TECRL: variants seen among roughly 807,000 people sequenced by gnomAD.
TECRL encodes the protein trans-2,3-enoyl-CoA reductase-like.
TECRL carries 63 observed loss-of-function variants against 52.8 expected under a neutral mutation model. That is an observed-to-expected ratio of 1.19 (90% CI 0.97 to 1.47). The LOEUF is 1.47. Among genes scored for constraint, TECRL ranks in the 40% most tolerant of loss-of-function variants. The pLI is 0.00. For missense variants in TECRL, 482 were observed against 429.6 expected (o/e 1.12, Z -1.08); for synonymous variants, 164 against 141.9 (o/e 1.16, Z -1.10).
Position 64,375,995 on chromosome 4 carries a change from G to A in TECRL, c.235-772C>T, listed in dbSNP as rs897873161. Among the ~76,000 whole-genome samples the A allele has an allele frequency of 3.3e-5, 5 of 151,448 alleles. No individual in the cohort carries two copies. The South Asian group carries it at 1.0e-3, about 31-fold the overall frequency. On this transcript the variant is annotated intron_variant, in intron 1 of 11. Coordinates refer to ENST00000381210, the MANE Select transcript of TECRL (RefSeq NM_001010874.5). Reference sequence around the variant, plus strand: ...ATTTCCTTTCCCTGAATAAGCATACGATACTAGTGAAATTTATTATAATCA... The same window carrying A: ...ATTTCCTTTCCCTGAATAAGCATACAATACTAGTGAAATTTATTATAATCA...
intron 5 of TECRL, among the ~76,000 whole-genome samples, chr4:64,313,900 G>C (rs1486769195): frequency 6.8e-6 from 1 of 146,596 alleles, no homozygotes; most frequent in Admixed American, 6.9e-5. Flanking sequence ...TTGGGAAGCC[G>C]AGGCGGGCGG....
At chr4:64,379,727 A>G (rs796776834) in intron 1 of TECRL, among the ~76,000 whole-genome samples, 6 of 152,210 alleles carry the variant, frequency 3.9e-5, no homozygotes, top group East Asian at 1.9e-4. Flanking sequence ...ACCCCCACAC[A>G]TGAATGAGAA....
chr4:64,335,145 G>A (rs1718964575), intron 2 of TECRL, among the ~76,000 whole-genome samples: 1 of 152,164 alleles, frequency 6.6e-6, no homozygotes, highest in South Asian at 2.1e-4. Context: ...TGGCCTATTA[G>A]GAACCTGGCT....
intron 2 of TECRL, among the ~76,000 whole-genome samples, chr4:64,374,390 T>A (rs1722228081): frequency 6.6e-6 from 1 of 151,780 alleles, no homozygotes; most frequent in Non-Finnish European, 1.5e-5. Context: ...TTTTTAATGT[T>A]TTCTTTTTTT....
intron 2 of TECRL, among the ~76,000 whole-genome samples, chr4:64,354,525 G>T (rs1384724): frequency 0.28 from 41,999 of 151,996 alleles, 6,215 homozygotes; most frequent in African/African-American, 0.37. Flanking sequence ...TAATCTTAAA[G>T]ATATTGGTGA....
chr4:64,404,758 G>C lies in TECRL; in HGVS notation c.234+4360C>G, dbSNP rs796727453. ...GGGAGAATTTGAGCAGTAGGTAAAA[G>C]GGTTTGAGAGAATGTCTTTTTATGT... On this transcript the variant is annotated intron_variant, in intron 1 of 11. Transcript: ENST00000381210. 5.9e-5 allele frequency among the ~76,000 whole-genome samples: 9 copies of C among 152,134 alleles called. No individual in the cohort carries two copies. In the East Asian group the frequency reaches 1.5e-3, roughly 26 times the overall value.
At chr4:64,352,813 ATTTACAGTATAGAT>A in intron 2 of TECRL, among the ~76,000 whole-genome samples, 1 of 152,316 alleles carries the variant, frequency 6.6e-6, no homozygotes, top group East Asian at 1.9e-4. Context: ...GATGCTCATT[ATTTACAGTATAGAT>A]GACAAATATA....
intron 4 of TECRL, among the ~76,000 whole-genome samples, chr4:64,319,133 G>C (rs979112548): frequency 2.0e-5 from 3 of 151,516 alleles, no homozygotes; most frequent in African/African-American, 4.8e-5. Flanking sequence ...GTAACCCCTA[G>C]AATTAGTAAA....
rs1475727430 is a variant in TECRL at position 64,279,927 on chromosome 4, G to C, written c.*145C>G. On this transcript the variant is annotated 3_prime_UTR_variant, in exon 12 of 12. Transcript: ENST00000381210. ...TACCATGTGCATTTCTCTAAATTTA[G>C]TGAAATTTTACTATTTTATATTTTT... 8.1e-7 allele frequency: 1 copy of C among 1,238,526 alleles called. No homozygotes were observed. The highest frequency in any genetic ancestry group is 1.0e-6 in the Non-Finnish European group (1 of 984,782). The allele number at this position is 1,238,526 out of a possible 1,614,324, so 76.7% of individuals were successfully genotyped here.
At chr4:64,352,751 G>A (rs182747409) in intron 2 of TECRL, among the ~76,000 whole-genome samples, 1 of 152,240 alleles carries the variant, frequency 6.6e-6, no homozygotes, top group African/African-American at 2.4e-5. Flanking sequence ...ACTTCTATGT[G>A]TTTAGGCATA....
chr4:64,379,827 A>T (rs1722656547), intron 1 of TECRL, among the ~76,000 whole-genome samples: 1 of 152,108 alleles, frequency 6.6e-6, no homozygotes, highest in Admixed American at 6.6e-5. Flanking sequence ...AGTTGATTCT[A>T]TAGCTTGGTT....
intron 2 of TECRL, among the ~76,000 whole-genome samples, chr4:64,349,065 C>CA (rs11318611): frequency 0.061 from 7,856 of 128,322 alleles, 600 homozygotes; most frequent in African/African-American, 0.2. Flanking sequence ...TTGGAAATTA[C>CA]AAAAAAAAAA....
At chr4:64,370,345 G>A (rs372460824) in intron 2 of TECRL, among the ~76,000 whole-genome samples, 185 of 151,864 alleles carry the variant, frequency 1.2e-3, no homozygotes, top group African/African-American at 4.2e-3. Context: ...TTCACCAGGC[G>A]AAGAATGCCA....
intron 1 of TECRL, among the ~76,000 whole-genome samples, chr4:64,392,734 T>G (rs1324535479): frequency 2.0e-5 from 3 of 152,020 alleles, no homozygotes; most frequent in Non-Finnish European, 4.4e-5. Flanking sequence ...AAATTTTTAT[T>G]GGCTACCACA....
At chr4:64,332,988 T>C (rs1274835949) in intron 2 of TECRL, among the ~76,000 whole-genome samples, 1 of 151,890 alleles carries the variant, frequency 6.6e-6, no homozygotes, top group Non-Finnish European at 1.5e-5. Flanking sequence ...TCAAGATAAA[T>C]ATTAAAGAAT....
intron 1 of TECRL, among the ~76,000 whole-genome samples, chr4:64,383,864 T>C (rs1722989182): frequency 3.9e-5 from 6 of 152,154 alleles, no homozygotes; most frequent in Admixed American, 3.9e-4. Flanking sequence ...CTTCTTCTAA[T>C]TTTATGGATT....
At chr4:64,395,987 G>A (rs533181115) in intron 1 of TECRL, among the ~76,000 whole-genome samples, 111 of 152,188 alleles carry the variant, frequency 7.3e-4, no homozygotes, top group African/African-American at 2.5e-3. Context: ...CTTCCATGTT[G>A]CTACAAAGGA....
intron 2 of TECRL, among the ~76,000 whole-genome samples, chr4:64,355,794 C>CAAAAAAAAAAAAAA (rs1161940429): frequency 8.4e-6 from 1 of 119,718 alleles, no homozygotes; most frequent in African/African-American, 3.2e-5. Context: ...GACTCTGTCT[C>CAAAAAAAAAAAAAA]AAAAAAAAAA....
intron 2 of TECRL, among the ~76,000 whole-genome samples, chr4:64,344,973 C>T (rs115625417): frequency 0.029 from 4,344 of 152,164 alleles, 67 homozygotes; most frequent in Non-Finnish European, 0.038. Context: ...GGTTTTCTGG[C>T]CATCAGAGAA....
Sources: allele counts gnomAD v4.1 joint callset (sites outside exome capture counted in the v4.1 genomes callset), GRCh38; gene constraint gnomAD v4.1.1; transcripts MANE v1.5; gene names NCBI Gene and HGNC (gene_info 2026-07-23, HGNC 2026-07-21).